The following PDE8A variants were observed in gnomAD, a reference collection of about 807,000 sequenced individuals.
PDE8A encodes high affinity cAMP-specific and IBMX-insensitive 3',5'-cyclic phosphodiesterase 8A.
Under a neutral mutation model 105.0 loss-of-function variants are expected in PDE8A, and 59 were observed. The observed-to-expected ratio is 0.56, with a 90% CI of 0.46 to 0.70. The LOEUF (loss-of-function observed/expected upper bound fraction) is 0.70, where lower values mean the gene tolerates loss of function less well. PDE8A is among the 30% of genes least tolerant of loss of function. The probability of loss-of-function intolerance (pLI) is 0.00; values close to 1 mark genes in which losing one functional copy is unlikely to be tolerated. For synonymous variants in PDE8A, 355 were observed against 371.9 expected, an observed-to-expected ratio of 0.95 and a Z score of 0.52; for missense variants, 1,014 against 1,045.9, an observed-to-expected ratio of 0.97 and a Z score of 0.42.
At chr15:85,131,048 C>T (rs1007705128) in intron 20 of PDE8A, among the ~76,000 whole-genome samples, 5 of 152,162 alleles carry the variant, frequency 3.3e-5, no homozygotes, top group East Asian at 1.9e-4. Flanking sequence ...TGAGCCACCG[C>T]GCCTGGCCTG....
chr15:85,099,853 CTTCTT>C (rs2081828684), intron 9 of PDE8A, 157 bp from the exon 10 acceptor site: 1 of 641,386 alleles, frequency 1.6e-6, no homozygotes. Flanking sequence ...TTTGTGATCT[CTTCTT>C]TATTTATTGG....
chr15:84,990,325 G>A (rs7170598), intron 1 of PDE8A, among the ~76,000 whole-genome samples: 123,582 of 152,202 alleles, frequency 0.81, 50,702 homozygotes, highest in African/African-American at 0.94. Flanking sequence ...ATGAATCTCT[G>A]TCAAGATACA....
chr15:85,118,647 A>G (rs1002725161), intron 17 of PDE8A, among the ~76,000 whole-genome samples: 7 of 152,210 alleles, frequency 4.6e-5, no homozygotes, highest in South Asian at 4.1e-4. Context: ...AGCTCCTCTC[A>G]TCATTTCTTC....
intron 20 of PDE8A, among the ~76,000 whole-genome samples, chr15:85,132,615 G>A (rs138942275): frequency 0.027 from 4,175 of 152,112 alleles, 108 homozygotes; most frequent in Admixed American, 0.073. Flanking sequence ...ACAGGTGCCC[G>A]CCACCATGCC....
At chr15:85,114,908 A>C (rs945249676) in intron 14 of PDE8A, among the ~76,000 whole-genome samples, 3 of 152,060 alleles carry the variant, frequency 2.0e-5, no homozygotes, top group African/African-American at 7.2e-5. Context: ...GGGGCTGCTG[A>C]GAGTACGGGT....
At chr15:85,137,271 G>A (rs1178829899) in intron 21 of PDE8A, among the ~76,000 whole-genome samples, 1 of 152,224 alleles carries the variant, frequency 6.6e-6, no homozygotes, top group Non-Finnish European at 1.5e-5. Flanking sequence ...GACTGAAGCA[G>A]TGGAGCTAGA....
At chr15:85,065,881 A>G (rs1420030994) in intron 2 of PDE8A, among the ~76,000 whole-genome samples, 1 of 152,234 alleles carries the variant, frequency 6.6e-6, no homozygotes. Context: ...CCAGGCCAGG[A>G]CTGACGTGAT....
intron 1 of PDE8A, among the ~76,000 whole-genome samples, chr15:85,045,033 C>T (rs1015499193): frequency 6.6e-6 from 1 of 152,176 alleles, no homozygotes; most frequent in Non-Finnish European, 1.5e-5. Flanking sequence ...TCCAGTGTCC[C>T]ACCTTATTTC....
At chr15:84,992,153 C>T (rs1321488327) in intron 1 of PDE8A, among the ~76,000 whole-genome samples, 3 of 152,258 alleles carry the variant, frequency 2.0e-5, no homozygotes, top group African/African-American at 7.2e-5. Flanking sequence ...ACAGGCCCTG[C>T]TCTCAGGGAA....
chr15:85,091,609 A>C (rs1156738342), intron 8 of PDE8A, among the ~76,000 whole-genome samples: 2 of 152,226 alleles, frequency 1.3e-5, no homozygotes, highest in Non-Finnish European at 2.9e-5. Context: ...TGTTAGCCAG[A>C]CACTGTGCTA....
intron 8 of PDE8A, among the ~76,000 whole-genome samples, chr15:85,092,580 TTGC>T (rs1187778070): frequency 6.6e-6 from 1 of 152,100 alleles, no homozygotes; most frequent in Non-Finnish European, 1.5e-5. Flanking sequence ...TTTAGGTTCC[TTGC>T]TGCTACTGGA....
Position 85,113,871 on chromosome 15 carries a change from A to G in PDE8A, c.1186-2A>G. Reference sequence around the variant, plus strand: ...CTCAAGTATTTTCTTTCCATAATGTAGGTAATCAATATTATCAATGCTGCC... The same window carrying G: ...CTCAAGTATTTTCTTTCCATAATGTGGGTAATCAATATTATCAATGCTGCC... On this transcript the variant is annotated splice_acceptor_variant, in intron 13 of 21. Coordinates refer to ENST00000394553, the MANE Select transcript of PDE8A (RefSeq NM_002605.3). LOFTEE classifies it high-confidence loss of function. 1 of 1,606,312 alleles carries G rather than the reference A, an allele frequency of 6.2e-7. No homozygotes were observed. Among genetic ancestry groups the G allele is most frequent in the Non-Finnish European group, 8.5e-7 (1 of 1,174,440 alleles).
intron 14 of PDE8A, 91 bp downstream of exon 14, chr15:85,114,128 C>A: frequency 8.9e-7 from 1 of 1,119,146 alleles, no homozygotes; most frequent in Non-Finnish European, 1.3e-6. Context: ...ATTGAAGAGG[C>A]AGGCAGGGCT....
Position 84,982,312 on chromosome 15 carries a change from C to T in PDE8A, c.150C>T (p.Leu50=), listed in dbSNP as rs753257477. 811 of 1,343,408 alleles carry T rather than the reference C, an allele frequency of 6.0e-4. No individual in the cohort carries two copies. Among genetic ancestry groups the T allele is most frequent in the Non-Finnish European group, 7.2e-4 (756 of 1,053,516 alleles). The allele number at this position is 1,343,408 out of a possible 1,614,324, so 83.2% of individuals were successfully genotyped here. ...AALPRTRGAG[L]LESELRDGSG... ...TGCCCCGGACCCGCGGCGCCGGCCT[C>T]TTGGAGTCGGAGCTTCGCGACGGCA... The change falls in exon 1 of 22, where the codon CTC becomes CTT. Residue 50 remains leucine (L), a synonymous_variant. Coordinates refer to ENST00000394553, the MANE Select transcript of PDE8A (RefSeq NM_002605.3).
At chr15:85,059,026 G>A (rs1040447369) in intron 1 of PDE8A, among the ~76,000 whole-genome samples, 1 of 152,096 alleles carries the variant, frequency 6.6e-6, no homozygotes, top group African/African-American at 2.4e-5. Context: ...AGCTATTAAT[G>A]TTCCCCTTAG....
At chr15:85,112,471 G>T (rs1230398904) in intron 12 of PDE8A, among the ~76,000 whole-genome samples, 2 of 152,132 alleles carry the variant, frequency 1.3e-5, no homozygotes, top group East Asian at 1.9e-4. Context: ...TTTTATTTTT[G>T]GTTTAATGAC....
rs567087136 is a variant in PDE8A, at chr15:85,056,819, G to A, written c.187-7551G>A. ...GTCTGAAGCCTTCTTCTCTCAACTC[G>A]TCAAAGTCATTCTCCGTCCAGCTTT... On this transcript the variant is annotated intron_variant, in intron 1 of 21. Coordinates refer to ENST00000394553, the MANE Select transcript of PDE8A (RefSeq NM_002605.3). Among the ~76,000 whole-genome samples, 10 of 152,318 alleles carry A rather than the reference G, an allele frequency of 6.6e-5. No homozygotes were observed. The South Asian group carries it at 1.7e-3, about 25-fold the overall frequency.
At chr15:84,993,316 G>A (rs2079919198) in intron 1 of PDE8A, among the ~76,000 whole-genome samples, 4 of 151,896 alleles carry the variant, frequency 2.6e-5, no homozygotes, top group Admixed American at 2.6e-4. Flanking sequence ...GGTGGCAGGT[G>A]CCTGTAGTCC....
Position 84,982,262 on chromosome 15 carries a change from C to A in PDE8A, c.100C>A (p.Pro34Thr). Residue 34 changes from proline (P) to threonine (T), a missense_variant, in exon 1 of 22, where the codon CCG (proline) becomes ACG (threonine). Transcript: ENST00000394553. ...GCTGTCGTCCGGCGGGCCGCGCCTC[C>A]CGCAGGGCCAGAAGACGGCCGCCTT... ...PPLSSGGPRL[P>T]QGQKTAALPR... is the part of the protein sequence containing the mutation. 1 of 1,453,172 alleles carries A rather than the reference C, an allele frequency of 6.9e-7. No individual in the cohort carries two copies. The highest frequency in any genetic ancestry group is 9.0e-7 in the Non-Finnish European group (1 of 1,111,024). 90.0% of individuals were successfully genotyped at this position (1,453,172 alleles called of 1,614,324 possible). A position where few individuals can be genotyped will look rare whatever the true frequency, so the allele number is the denominator to read the frequency against.
Sources: allele counts gnomAD v4.1 joint callset (sites outside exome capture counted in the v4.1 genomes callset), GRCh38; gene constraint gnomAD v4.1.1; transcripts MANE v1.5; gene names NCBI Gene and HGNC (gene_info 2026-07-23, HGNC 2026-07-21).